BCAT1: variants seen among roughly 807,000 people sequenced by gnomAD.
BCAT1 encodes the protein branched-chain-amino-acid aminotransferase, cytosolic.
BCAT1 carries 48 observed loss-of-function variants against 52.4 expected under a neutral mutation model. The ratio of observed to expected loss-of-function variants is 0.92; its 90% CI spans 0.73 to 1.16. BCAT1 has a LOEUF of 1.16. Ranked by LOEUF, BCAT1 falls within the 50% of genes most tolerant of loss-of-function variation. BCAT1 has a pLI of 0.00. For synonymous variants in BCAT1, 167 were observed against 161.3 expected, an observed-to-expected ratio of 1.04 and a Z score of -0.27; for missense variants, 451 against 457.1, an observed-to-expected ratio of 0.99 and a Z score of 0.12.
At position 24,817,863 on chromosome 12, in the gene BCAT1, A is replaced by T. The variant is rs1566548540; in HGVS notation, c.*145T>A. On this transcript the variant is annotated 3_prime_UTR_variant, in exon 11 of 11. Transcript: ENST00000261192. Reference sequence around the variant, plus strand: ...AATTCATTTTCTCTGGCATGAAGAAACAATCACTCTTGTAACACATTGATA... The same window carrying T: ...AATTCATTTTCTCTGGCATGAAGAATCAATCACTCTTGTAACACATTGATA... 7.6e-6 allele frequency: 6 copies of T among 784,792 alleles called. No homozygotes were observed. The East Asian group carries it at 1.6e-4, about 21-fold the overall frequency. 48.6% of individuals were successfully genotyped at this position (784,792 alleles called of 1,614,324 possible). A position where few individuals can be genotyped will look rare whatever the true frequency, so the allele number is the denominator to read the frequency against.
At chr12:24,898,805 C>T (rs532075406) in intron 2 of BCAT1, among the ~76,000 whole-genome samples, 1 of 152,202 alleles carries the variant, frequency 6.6e-6, no homozygotes, top group South Asian at 2.1e-4. Flanking sequence ...GGTGAGTCAC[C>T]ATGCCAGGCC....
chr12:24,875,653 CAG>C (rs1942313361), intron 5 of BCAT1, among the ~76,000 whole-genome samples: 1 of 152,182 alleles, frequency 6.6e-6, no homozygotes, highest in Non-Finnish European at 1.5e-5. Flanking sequence ...CAGATCTACT[CAG>C]AGTCTCTGGA....
intron 5 of BCAT1, among the ~76,000 whole-genome samples, chr12:24,855,306 T>TTA (rs1210039593): frequency 3.2e-4 from 35 of 108,290 alleles, no homozygotes; most frequent in African/African-American, 1.2e-3. Context: ...CAGGAGCAGT[T>TTA]AAAAAAAAAA....
At chr12:24,933,057 G>C (rs894878367) in intron 1 of BCAT1, among the ~76,000 whole-genome samples, 1 of 140,986 alleles carries the variant, frequency 7.1e-6, no homozygotes. Context: ...TGATCCACCC[G>C]CCTCGGCCTC....
At chr12:24,881,059 T>C (rs796400214) in intron 4 of BCAT1, among the ~76,000 whole-genome samples, 10 of 152,270 alleles carry the variant, frequency 6.6e-5, no homozygotes, top group African/African-American at 2.4e-4. Context: ...TGTCTCCAAT[T>C]CCTGGTTTCA....
chr12:24,906,416 T>C (rs959302813), intron 1 of BCAT1, among the ~76,000 whole-genome samples: 2 of 152,084 alleles, frequency 1.3e-5, no homozygotes, highest in Non-Finnish European at 2.9e-5. Context: ...TGTCTGAAGC[T>C]CAGAGAAGAG....
chr12:24,876,379 G>A (rs1942343913), intron 5 of BCAT1, among the ~76,000 whole-genome samples: 1 of 151,708 alleles, frequency 6.6e-6, no homozygotes, highest in Admixed American at 6.6e-5. Flanking sequence ...ATAAAAAAAT[G>A]GATTATTCAC....
At position 24,812,388 on chromosome 12, in the gene BCAT1, T is replaced by A. The variant is rs907718946; in HGVS notation, c.*5620A>T. ...TTGGCCTCAAGAAGCTTCATGGATC[T>A]TAGAATAAAATGGTTGAAGAAATGA... On this transcript the variant is annotated 3_prime_UTR_variant, in exon 11 of 11. Coordinates refer to ENST00000261192, the MANE Select transcript of BCAT1 (RefSeq NM_005504.7). The A allele has an allele frequency of 6.6e-5, 10 of 152,028 alleles. No individual in the cohort carries two copies. Among genetic ancestry groups the A allele is most frequent in the African/African-American group, 2.2e-4 (9 of 41,446 alleles). The allele number at this position is 152,028 out of a possible 1,614,324, so 9.4% of individuals were successfully genotyped here.
intron 1 of BCAT1, among the ~76,000 whole-genome samples, chr12:24,947,716 A>T (rs921825600): frequency 2.0e-5 from 3 of 152,250 alleles, no homozygotes; most frequent in Non-Finnish European, 4.4e-5. Flanking sequence ...AAAACGCGTA[A>T]TTAACCACAA....
At chr12:24,852,685 G>A (rs1941551759) in intron 5 of BCAT1, among the ~76,000 whole-genome samples, 1 of 152,162 alleles carries the variant, frequency 6.6e-6, no homozygotes. Context: ...AAAAGGTCTT[G>A]ATAAACCTCT....
At chr12:24,867,589 G>A (rs766051202) in intron 5 of BCAT1, among the ~76,000 whole-genome samples, 3 of 152,174 alleles carry the variant, frequency 2.0e-5, no homozygotes, top group Admixed American at 6.5e-5. Flanking sequence ...AAAAGCAGGA[G>A]CATGGCATGT....
chr12:24,850,633 T>C (rs943359858), intron 5 of BCAT1, among the ~76,000 whole-genome samples: 6 of 152,326 alleles, frequency 3.9e-5, no homozygotes, highest in African/African-American at 1.4e-4. Context: ...CTTGTGCCAA[T>C]TACTGAGTTT....
intron 6 of BCAT1, among the ~76,000 whole-genome samples, chr12:24,847,937 A>G (rs1411607855): frequency 6.6e-6 from 1 of 152,226 alleles, no homozygotes; most frequent in East Asian, 1.9e-4. Context: ...GTCTTTGCCA[A>G]CTCAACAGGA....
chr12:24,859,251 T>G (rs1476957355), intron 5 of BCAT1, among the ~76,000 whole-genome samples: 1 of 152,226 alleles, frequency 6.6e-6, no homozygotes, highest in Non-Finnish European at 1.5e-5. Context: ...TTTGTTTGCC[T>G]TTTGAATAAA....
intron 3 of BCAT1, among the ~76,000 whole-genome samples, chr12:24,888,539 G>A (rs1591841818): frequency 6.6e-6 from 1 of 152,150 alleles, no homozygotes. Context: ...TTGAGAGCAA[G>A]GTCATGGTTG....
chr12:24,927,911 C>T (rs952191024), intron 1 of BCAT1, among the ~76,000 whole-genome samples: 2 of 152,206 alleles, frequency 1.3e-5, no homozygotes, highest in African/African-American at 4.8e-5. Context: ...GAAGATCACA[C>T]TGATCCTATT....
chr12:24,930,949 G>A lies in BCAT1; in HGVS notation c.6+17978C>T, dbSNP rs565393721. Among the ~76,000 whole-genome samples the A allele has an allele frequency of 3.4e-5, 5 of 144,940 alleles. No individual in the cohort carries two copies. The South Asian group carries it at 1.1e-3, about 32-fold the overall frequency. On this transcript the variant is annotated intron_variant, in intron 1 of 10. Transcript: ENST00000261192. Reference sequence around the variant, plus strand: ...AGAGTCTTGCTCTGTCACCCAGGTTGGAGTACAATGGCACACAATCTCAGC... The same window carrying A: ...AGAGTCTTGCTCTGTCACCCAGGTTAGAGTACAATGGCACACAATCTCAGC...
intron 7 of BCAT1, among the ~76,000 whole-genome samples, chr12:24,837,202 T>C (rs1026611755): frequency 3.3e-4 from 49 of 147,260 alleles, no homozygotes; most frequent in African/African-American, 1.2e-3. Flanking sequence ...GAGATGGTTT[T>C]CCACCAACAA....
intron 1 of BCAT1, among the ~76,000 whole-genome samples, chr12:24,945,144 T>C (rs1943916381): frequency 6.6e-6 from 1 of 152,238 alleles, no homozygotes; most frequent in Non-Finnish European, 1.5e-5. Context: ...ATAAGCATAG[T>C]TGAAACTGAT....
Sources: allele counts gnomAD v4.1 joint callset (sites outside exome capture counted in the v4.1 genomes callset), GRCh38; gene constraint gnomAD v4.1.1; transcripts MANE v1.5; gene names NCBI Gene and HGNC (gene_info 2026-07-23, HGNC 2026-07-21).